The following HCN1 variants were observed in gnomAD, a reference collection of about 807,000 sequenced individuals.
HCN1 encodes the protein hyperpolarization activated cyclic nucleotide gated potassium channel 1, also known as potassium/sodium hyperpolarization-activated cyclic nucleotide-gated channel 1.
HCN1 carries 13 observed loss-of-function variants against 78.9 expected under a neutral mutation model. The ratio of observed to expected loss-of-function variants is 0.16; its 90% confidence interval spans 0.11 to 0.26. The LOEUF (loss-of-function observed/expected upper bound fraction) is 0.26. Among genes scored for constraint, HCN1 ranks in the 10% least tolerant of loss-of-function variants. The pLI is 1.00. For missense variants in HCN1, 810 were observed against 1,154.3 expected (o/e 0.70, Z 4.32); for synonymous variants, 552 against 455.5 (o/e 1.21, Z -2.70).
intron 4 of HCN1, among the ~76,000 whole-genome samples, chr5:45,381,523 T>C (rs927645725): frequency 2.6e-5 from 4 of 152,182 alleles, no homozygotes; most frequent in African/African-American, 9.7e-5. Context: ...TTCTTTCCCA[T>C]ATGACAATCC....
At chr5:45,407,869 A>C (rs1004431620) in intron 3 of HCN1, among the ~76,000 whole-genome samples, 1 of 152,116 alleles carries the variant, frequency 6.6e-6, no homozygotes, top group Non-Finnish European at 1.5e-5. Flanking sequence ...GCTCCTGAAG[A>C]CATTCCAGTG....
intron 7 of HCN1, among the ~76,000 whole-genome samples, chr5:45,264,668 C>T (rs1744817849): frequency 6.6e-6 from 1 of 152,126 alleles, no homozygotes; most frequent in Admixed American, 6.5e-5. Context: ...CTAACTGCAG[C>T]ATACATCTAT....
At chr5:45,622,353 A>T (rs954363745) in intron 2 of HCN1, among the ~76,000 whole-genome samples, 5 of 152,214 alleles carry the variant, frequency 3.3e-5, no homozygotes, top group African/African-American at 1.2e-4. Context: ...TGTGGATGGG[A>T]TGAATGCTTT....
intron 5 of HCN1, among the ~76,000 whole-genome samples, chr5:45,350,391 A>G (rs1030613001): frequency 2.0e-5 from 3 of 152,182 alleles, no homozygotes; most frequent in Non-Finnish European, 4.4e-5. Flanking sequence ...AATAAGAGCT[A>G]TCTATGACAA....
intron 2 of HCN1, among the ~76,000 whole-genome samples, chr5:45,619,112 T>A (rs1745011002): frequency 6.6e-6 from 1 of 152,102 alleles, no homozygotes; most frequent in Non-Finnish European, 1.5e-5. Context: ...GAATCTATAA[T>A]CAGTCACATC....
chr5:45,539,054 C>A (rs1413871060), intron 2 of HCN1, among the ~76,000 whole-genome samples: 3 of 152,126 alleles, frequency 2.0e-5, no homozygotes, highest in Non-Finnish European at 2.9e-5. Context: ...AGATTTAAAG[C>A]GTAGGTTCAA....
intron 4 of HCN1, among the ~76,000 whole-genome samples, chr5:45,394,753 T>C (rs1739652801): frequency 6.6e-6 from 1 of 151,878 alleles, no homozygotes; most frequent in Admixed American, 6.6e-5. Context: ...AAGGTAGAGG[T>C]TGTAGTGAGC....
chr5:45,302,594 C>T (rs1162263768), intron 6 of HCN1, among the ~76,000 whole-genome samples: 7 of 151,372 alleles, frequency 4.6e-5, no homozygotes, highest in Admixed American at 4.0e-4. Flanking sequence ...AATTTCTAGG[C>T]ATTTTTTGTA....
intron 3 of HCN1, among the ~76,000 whole-genome samples, chr5:45,430,805 G>A (rs1740447934): frequency 6.6e-6 from 1 of 152,144 alleles, no homozygotes; most frequent in South Asian, 2.1e-4. Context: ...CTGGGCGACA[G>A]AGCGAGACTC....
At chr5:45,439,585 A>G (rs1483987546) in intron 3 of HCN1, among the ~76,000 whole-genome samples, 2 of 152,126 alleles carry the variant, frequency 1.3e-5, no homozygotes, top group Non-Finnish European at 2.9e-5. Flanking sequence ...ATTTAAACAG[A>G]GTTCTGTTTT....
intron 3 of HCN1, among the ~76,000 whole-genome samples, chr5:45,447,890 A>G (rs1740833238): frequency 6.6e-6 from 1 of 151,562 alleles, no homozygotes; most frequent in Admixed American, 6.6e-5. Flanking sequence ...TGATATATAT[A>G]TATATATGAG....
At chr5:45,497,695 C>T (rs1315952187) in intron 2 of HCN1, among the ~76,000 whole-genome samples, 3 of 151,982 alleles carry the variant, frequency 2.0e-5, no homozygotes, top group East Asian at 1.9e-4. Context: ...GCATTTAGTA[C>T]ATTTACATGA....
chr5:45,289,390 CT>C (rs1435108041), intron 6 of HCN1, among the ~76,000 whole-genome samples: 7 of 152,030 alleles, frequency 4.6e-5, no homozygotes, highest in African/African-American at 1.2e-4. Context: ...TACTTGCATA[CT>C]TTGTTGAAGT....
intron 3 of HCN1, among the ~76,000 whole-genome samples, chr5:45,446,556 G>A (rs889228653): frequency 1.3e-5 from 2 of 152,072 alleles, no homozygotes; most frequent in African/African-American, 2.4e-5. Flanking sequence ...GATACTCCTC[G>A]AGAAGAGCAA....
At chr5:45,341,825 C>A (rs1746587988) in intron 5 of HCN1, among the ~76,000 whole-genome samples, 1 of 152,142 alleles carries the variant, frequency 6.6e-6, no homozygotes, top group Non-Finnish European at 1.5e-5. Context: ...CAGAGAAACA[C>A]CCAGGGAAGC....
At chr5:45,678,382 A>T (rs1209402756) in intron 1 of HCN1, among the ~76,000 whole-genome samples, 2 of 151,870 alleles carry the variant, frequency 1.3e-5, no homozygotes, top group East Asian at 1.9e-4. Context: ...ACTCTCCTAA[A>T]TTTTACCAAG....
chr5:45,663,698 C>G (rs1335215284), intron 1 of HCN1, among the ~76,000 whole-genome samples: 1 of 151,968 alleles, frequency 6.6e-6, no homozygotes, highest in East Asian at 1.9e-4. Flanking sequence ...CCAAAAAACA[C>G]ATGAAAAAAT....
intron 2 of HCN1, among the ~76,000 whole-genome samples, chr5:45,549,400 G>A (rs977911414): frequency 9.2e-5 from 14 of 152,242 alleles, no homozygotes; most frequent in Admixed American, 4.6e-4. Context: ...ATGGGGAAAA[G>A]ATTCCCTATT....
intron 6 of HCN1, among the ~76,000 whole-genome samples, chr5:45,285,608 C>T (rs1745251678): frequency 6.6e-6 from 1 of 151,742 alleles, no homozygotes; most frequent in Admixed American, 6.6e-5. Flanking sequence ...TTTTCATGGT[C>T]CCTGAGAAAA....
Sources: gnomAD v4.1 joint callset for allele counts (sites outside exome capture counted in the v4.1 genomes callset) on GRCh38, gnomAD v4.1.1 for gene constraint, MANE v1.5 for transcripts, NCBI Gene and HGNC (gene_info 2026-07-23, HGNC 2026-07-21) for gene names.